Variants in RBM39 observed in about 807,000 individuals in gnomAD.
RBM39 encodes RNA-binding protein 39.
A neutral mutation model predicts 79.6 loss-of-function variants in RBM39; 12 were observed. The observed-to-expected ratio is 0.15, with a 90% CI of 0.10 to 0.24. The LOEUF is 0.24. Among genes scored for constraint, RBM39 ranks in the 10% least tolerant of loss-of-function variants. The pLI is 1.00. For missense variants in RBM39, 243 were observed against 653.4 expected, an observed-to-expected ratio of 0.37 and a Z score of 6.85; for synonymous variants, 185 against 208.4, an observed-to-expected ratio of 0.89 and a Z score of 0.97.
At chr20:35,705,196 A>T in intron 15 of RBM39, 29 bp downstream of exon 15, 1 of 1,304,498 alleles carries the variant, frequency 7.7e-7, no homozygotes, top group Non-Finnish European at 1.1e-6. Flanking sequence ...GAACAACCTA[A>T]CATCATTTAT....
chr20:35,721,908 T>A, intron 8 of RBM39, 31 bp from the exon 9 acceptor site: 2 of 1,606,602 alleles, frequency 1.2e-6, no homozygotes, highest in East Asian at 2.2e-5. Context: ...CACACAGAGA[T>A]AACACACAGC....
intron 12 of RBM39, among the ~76,000 whole-genome samples, chr20:35,709,669 C>CT (rs1338500180): frequency 6.6e-6 from 1 of 152,084 alleles, no homozygotes; most frequent in Non-Finnish European, 1.5e-5. Context: ...GGCCATAGTA[C>CT]TTAACACTTT....
chr20:35,722,727 ATCAAGACCATCCTGG>A (rs796230540), intron 8 of RBM39, among the ~76,000 whole-genome samples: 1,534 of 151,996 alleles, frequency 0.01, 15 homozygotes, highest in African/African-American at 0.035. Flanking sequence ...AGGTCAGGAG[ATCAAGACCATCCTGG>A]TTAACACAGT....
chr20:35,718,265 T>TA (rs1191095652), intron 9 of RBM39, among the ~76,000 whole-genome samples: 3 of 145,848 alleles, frequency 2.1e-5, no homozygotes, highest in Non-Finnish European at 4.5e-5. Flanking sequence ...TGGAAGGATA[T>TA]AAAAAACAAA....
chr20:35,724,008 T>C (rs972552853), intron 8 of RBM39, among the ~76,000 whole-genome samples: 2 of 152,072 alleles, frequency 1.3e-5, no homozygotes, highest in Non-Finnish European at 2.9e-5. Flanking sequence ...CTCACTGCAC[T>C]CCAGCCCTGG....
At chr20:35,739,056 TG>T in intron 2 of RBM39, 39 bp from the exon 3 acceptor site, 1 of 1,532,190 alleles carries the variant, frequency 6.5e-7, no homozygotes, top group South Asian at 1.1e-5. Context: ...GAGGACGAAG[TG>T]GTAACATTTC....
intron 11 of RBM39, 27 bp downstream of exon 11, chr20:35,714,158 T>C: frequency 6.2e-7 from 1 of 1,601,744 alleles, no homozygotes; most frequent in Non-Finnish European, 8.5e-7. Flanking sequence ...CCACAGTAAA[T>C]CATTCGTAAT....
intron 14 of RBM39, among the ~76,000 whole-genome samples, chr20:35,706,483 T>A (rs2035742905): frequency 6.6e-6 from 1 of 152,152 alleles, no homozygotes; most frequent in Admixed American, 6.6e-5. Context: ...ACAATTGTCA[T>A]TATATGAAAT....
In RBM39 at chr20:35,707,027, TAAAAAAA is replaced by T. The variant is rs58614202; in HGVS notation, c.1307+86_1307+92del. ...AGACAACAAGAGCGAAACTCCATCT[TAAAAAAA>T]AAAAAAAAAAAAAAAAAGAGAAATA... On this transcript the variant is annotated intron_variant, in intron 14 of 16. Transcript: ENST00000253363. The T allele has an allele frequency of 1.2e-3, 177 of 151,876 alleles. No homozygotes were observed. In the East Asian group the frequency reaches 0.024, roughly 20 times the overall value. The allele number at this position is 151,876 out of a possible 1,614,324, so 9.4% of individuals were successfully genotyped here. A position where few individuals can be genotyped will look rare whatever the true frequency, so the allele number is the denominator to read the frequency against.
At chr20:35,713,920 A>C (rs576814651) in intron 11 of RBM39, 415 of 335,032 alleles carry the variant, frequency 1.2e-3, no homozygotes, top group Admixed American at 2.5e-3. Flanking sequence ...GCTGCAACTA[A>C]ATTTATTCCT....
chr20:35,724,822 T>A lies in RBM39; in HGVS notation c.535-100A>T, dbSNP rs911202782. 2.2e-6 allele frequency: 3 copies of A among 1,390,208 alleles called. No individual in the cohort carries two copies. The African/African-American group carries it at 4.4e-5, about 20-fold the overall frequency. The allele number at this position is 1,390,208 out of a possible 1,614,324, so 86.1% of individuals were successfully genotyped here. On this transcript the variant is annotated intron_variant, in intron 7 of 16. Transcript: ENST00000253363. The stretch of plus-strand genomic sequence containing the variant: ...AAGGATGAAGGTATTTTTAAAAATT[T>A]AATTAAAAAAGTAAATCTGTAGGAC...
At chr20:35,715,963 C>T (rs1016076906) in intron 10 of RBM39, among the ~76,000 whole-genome samples, 3 of 152,198 alleles carry the variant, frequency 2.0e-5, no homozygotes, top group Non-Finnish European at 4.4e-5. Context: ...GTAACAGCTT[C>T]CTGAGGCCAC....
intron 6 of RBM39, 117 bp downstream of exon 6, chr20:35,729,195 A>G (rs1397242548): frequency 3.4e-6 from 3 of 877,050 alleles, no homozygotes; most frequent in Admixed American, 5.9e-5. Context: ...CTGGAAGTGC[A>G]AAAGAAAGCA....
chr20:35,707,863 A>T (rs939534853), intron 13 of RBM39: 6 of 463,626 alleles, frequency 1.3e-5, no homozygotes, highest in Non-Finnish European at 2.7e-5. Context: ...AAGTTTAAAG[A>T]GCATTTTCCA....
chr20:35,729,568 G>A (rs767473695), intron 4 of RBM39, 41 bp from the exon 5 acceptor site: 11 of 1,576,134 alleles, frequency 7.0e-6, no homozygotes, highest in Non-Finnish European at 9.6e-6. Context: ...ACAGGTTTAG[G>A]GTCTTGCTAA....
chr20:35,723,701 G>A (rs1349686222), intron 8 of RBM39, among the ~76,000 whole-genome samples: 1 of 152,148 alleles, frequency 6.6e-6, no homozygotes, highest in Non-Finnish European at 1.5e-5. Flanking sequence ...ACCTCCCAAA[G>A]TGCTGGGATT....
chr20:35,712,670 T>G (rs1348711542), intron 12 of RBM39, among the ~76,000 whole-genome samples: 1 of 152,136 alleles, frequency 6.6e-6, no homozygotes, highest in East Asian at 1.9e-4. Context: ...TAAAGCTTTT[T>G]TAAGTGCCTC....
rs2035314838 is a variant in RBM39 at position 35,702,184 on chromosome 20, A to G, written c.*2297T>C. On this transcript the variant is annotated 3_prime_UTR_variant, in exon 17 of 17. Transcript: ENST00000253363. Reference sequence around the variant, plus strand: ...AGCATTTCTTAAACAGAACTTTCAAAGATGGTAGTAATTATTATAAAGATA... The same window carrying G: ...AGCATTTCTTAAACAGAACTTTCAAGGATGGTAGTAATTATTATAAAGATA... 6.6e-6 allele frequency: 1 copy of G among 152,238 alleles called. No homozygotes were observed. The highest frequency in any genetic ancestry group is 1.5e-5 in the Non-Finnish European group (1 of 68,052). 9.4% of individuals were successfully genotyped at this position (152,238 alleles called of 1,614,324 possible). A position where few individuals can be genotyped will look rare whatever the true frequency, so the allele number is the denominator to read the frequency against.
At chr20:35,723,125 C>T (rs866892364) in intron 8 of RBM39, among the ~76,000 whole-genome samples, 24 of 151,582 alleles carry the variant, frequency 1.6e-4, no homozygotes, top group Admixed American at 9.2e-4. Context: ...TATAACCGAA[C>T]GTAGTTGTTT....
Sources: gnomAD v4.1 joint callset for allele counts (sites outside exome capture counted in the v4.1 genomes callset) on GRCh38, gnomAD v4.1.1 for gene constraint, MANE v1.5 for transcripts, NCBI Gene and HGNC (gene_info 2026-07-23, HGNC 2026-07-21) for gene names.